The following ZFHX3 variants were observed in gnomAD, a reference collection of about 807,000 sequenced individuals.
ZFHX3 encodes zinc finger homeobox protein 3.
ZFHX3 carries 42 observed loss-of-function variants against 279.1 expected under a neutral mutation model. The ratio of observed to expected loss-of-function variants is 0.15; its 90% CI spans 0.12 to 0.19. The LOEUF is 0.19. Among genes scored for constraint, ZFHX3 ranks in the 10% least tolerant of loss-of-function variants. ZFHX3 has a pLI of 1.00. For missense variants in ZFHX3, 4,981 were observed against 4,754.0 expected (o/e 1.05, Z -1.40); for synonymous variants, 2,293 against 1,957.8 (o/e 1.17, Z -4.52).
At chr16:73,072,374 G>T (rs1409237850) in intron 8 of ZFHX3, among the ~76,000 whole-genome samples, 2 of 151,894 alleles carry the variant, frequency 1.3e-5, no homozygotes, top group Admixed American at 6.6e-5. Context: ...AACCCAGGGG[G>T]TGGAAGTTGC....
At chr16:73,275,009 C>T (rs1396068725) in intron 4 of ZFHX3, among the ~76,000 whole-genome samples, 1 of 152,104 alleles carries the variant, frequency 6.6e-6, no homozygotes, top group Non-Finnish European at 1.5e-5. Context: ...TTAAAACTTG[C>T]TTTAGCCTCT....
chr16:73,202,517 A>C (rs1169289208), intron 5 of ZFHX3, among the ~76,000 whole-genome samples: 4 of 152,212 alleles, frequency 2.6e-5, no homozygotes, highest in African/African-American at 4.8e-5. Flanking sequence ...TCGCTATGGC[A>C]GGGGAAGATG....
In ZFHX3 at chr16:73,004,159, C is replaced by CTTTTTTTTTTTTTTTTTTTTT. The variant is rs3081625; in HGVS notation, c.-50+43572_-50+43592dup. Among the ~76,000 whole-genome samples the CTTTTTTTTTTTTTTTTTTTTT allele has an allele frequency of 2.6e-4, 13 of 49,372 alleles. 2 individuals carry two copies. The East Asian group carries it at 3.7e-3, about 14-fold the overall frequency. The allele number at this position is 49,372 out of a possible 152,430, so 32.4% of individuals were successfully genotyped here. Reference sequence around the variant, plus strand: ...CAATAATAACTACATAAAAACACGACTTTTTTTTTTTTTTTTTTTTTTTTT... The same window carrying CTTTTTTTTTTTTTTTTTTTTT: ...CAATAATAACTACATAAAAACACGACTTTTTTTTTTTTTTTTTTTTTTTTTTTTTTTTTTTTTTTTTTTTTT... On this transcript the variant is annotated intron_variant, in intron 1 of 9. Coordinates refer to ENST00000268489, the MANE Select transcript of ZFHX3 (RefSeq NM_006885.4).
chr16:73,819,531 G>T (rs753372139), intron 1 of ZFHX3, among the ~76,000 whole-genome samples: 4 of 152,084 alleles, frequency 2.6e-5, no homozygotes, highest in Non-Finnish European at 5.9e-5. Context: ...GATTCTAAAT[G>T]TACAACTTTG....
chr16:72,972,889 G>C (rs915538373), intron 1 of ZFHX3, among the ~76,000 whole-genome samples: 1 of 151,904 alleles, frequency 6.6e-6, no homozygotes, highest in Non-Finnish European at 1.5e-5. Flanking sequence ...CCACTTATTC[G>C]ATAAAATTCT....
intron 1 of ZFHX3, among the ~76,000 whole-genome samples, chr16:73,728,083 A>G (rs1390212594): frequency 7.6e-6 from 1 of 132,046 alleles, no homozygotes; most frequent in East Asian, 2.3e-4. Flanking sequence ...ATGTGACTGT[A>G]TTTGGAGATC....
chr16:73,129,707 CATGTGT>C (rs1432491936), intron 7 of ZFHX3, among the ~76,000 whole-genome samples: 3 of 135,460 alleles, frequency 2.2e-5, no homozygotes, highest in Admixed American at 7.2e-5. Context: ...CATGTGTGTG[CATGTGT>C]ATGTGTGTGT....
At chr16:73,335,915 C>T (rs571035588) in intron 3 of ZFHX3, among the ~76,000 whole-genome samples, 16 of 152,340 alleles carry the variant, frequency 1.1e-4, no homozygotes, top group African/African-American at 2.4e-4. Context: ...ATGCCCTCAC[C>T]GTGTCTTGAA....
At chr16:72,967,700 AGGCCAG>A (rs1961910441) in intron 1 of ZFHX3, among the ~76,000 whole-genome samples, 2 of 151,334 alleles carry the variant, frequency 1.3e-5, no homozygotes, top group Non-Finnish European at 2.9e-5. Context: ...GCAGATCACG[AGGCCAG>A]GTAATCGAGA....
chr16:73,713,944 G>A (rs780972576), intron 1 of ZFHX3, among the ~76,000 whole-genome samples: 3 of 152,074 alleles, frequency 2.0e-5, no homozygotes, highest in Admixed American at 6.5e-5. Flanking sequence ...GAAGGCTTTC[G>A]CATCAGAAGA....
At chr16:73,369,237 G>A (rs2016580490) in intron 3 of ZFHX3, among the ~76,000 whole-genome samples, 1 of 152,168 alleles carries the variant, frequency 6.6e-6, no homozygotes, top group South Asian at 2.1e-4. Context: ...GGATTTAGTA[G>A]GGTTGAAACA....
At chr16:73,588,256 GA>G (rs765011694) in intron 2 of ZFHX3, among the ~76,000 whole-genome samples, 3 of 152,110 alleles carry the variant, frequency 2.0e-5, no homozygotes, top group Non-Finnish European at 4.4e-5. Flanking sequence ...TGCAGATAAA[GA>G]ATGTACGTAG....
At chr16:73,263,607 T>G (rs1025586798) in intron 4 of ZFHX3, among the ~76,000 whole-genome samples, 3 of 152,148 alleles carry the variant, frequency 2.0e-5, no homozygotes, top group Non-Finnish European at 4.4e-5. Flanking sequence ...CCTGTGATCC[T>G]ACAAATGGAG....
chr16:73,245,549 A>G (rs2013256003), intron 5 of ZFHX3, among the ~76,000 whole-genome samples: 1 of 152,238 alleles, frequency 6.6e-6, no homozygotes, highest in African/African-American at 2.4e-5. Context: ...AGTCATAATA[A>G]TGAGATGGCC....
At chr16:73,382,054 G>T (rs1448609987) in intron 3 of ZFHX3, among the ~76,000 whole-genome samples, 1 of 152,238 alleles carries the variant, frequency 6.6e-6, no homozygotes, top group Non-Finnish European at 1.5e-5. Context: ...CAGCTGGCCT[G>T]TGGGCCATAG....
At chr16:73,444,871 A>G (rs962858059) in intron 3 of ZFHX3, among the ~76,000 whole-genome samples, 8 of 149,042 alleles carry the variant, frequency 5.4e-5, no homozygotes, top group Non-Finnish European at 7.4e-5. Flanking sequence ...TGTAATCCCA[A>G]CGCTTTGGGA....
In ZFHX3 at chr16:72,785,436, A is replaced by G. The variant is rs1035481326; in HGVS notation, c.*1728T>C. 1 of 152,640 alleles carries G rather than the reference A, an allele frequency of 6.6e-6. No homozygotes were observed. Among genetic ancestry groups the G allele is most frequent in the Non-Finnish European group, 1.5e-5 (1 of 68,030 alleles). 9.5% of individuals were successfully genotyped at this position (152,640 alleles called of 1,614,324 possible). A position where few individuals can be genotyped will look rare whatever the true frequency, so the allele number is the denominator to read the frequency against. ...AAAAATGTGTCTTTTGGTATATGGA[A>G]TTGTCATTAACATTTGCCTCTCTGC... On this transcript the variant is annotated 3_prime_UTR_variant, in exon 10 of 10. Transcript: ENST00000268489.
In ZFHX3 at chr16:73,582,209, G is replaced by A. The variant is rs182005792; in HGVS notation, c.-1547+97971C>T. ...TGAGAAAAATTGTGGCACAAAACACGACAGGCAAGAGTATTTTCCCTAAAG... is the reference window on the plus strand; with the variant it reads ...TGAGAAAAATTGTGGCACAAAACACAACAGGCAAGAGTATTTTCCCTAAAG... On this transcript the variant is annotated intron_variant, in intron 2 of 17. Transcript: ENST00000641206. 5.5e-4 allele frequency among the ~76,000 whole-genome samples: 84 copies of A among 151,916 alleles called. 1 individual carries two copies. Among genetic ancestry groups the A allele is most frequent in the Admixed American group, 4.9e-3 (75 of 15,272 alleles).
intron 2 of ZFHX3, among the ~76,000 whole-genome samples, chr16:73,509,506 C>G (rs868394335): frequency 3.5e-5 from 5 of 144,628 alleles, no homozygotes; most frequent in Admixed American, 7.2e-5. Context: ...GACAGTTTAG[C>G]TTTCTTTCCC....
Sources: allele counts gnomAD v4.1 joint callset (sites outside exome capture counted in the v4.1 genomes callset), GRCh38; gene constraint gnomAD v4.1.1; transcripts MANE v1.5; gene names NCBI Gene and HGNC (gene_info 2026-07-23, HGNC 2026-07-21).